UMAD1: variants seen among roughly 807,000 people sequenced by gnomAD.
UMAD1 encodes UBAP1-MVB12-associated (UMA) domain containing 1, also known as UBAP1-MVB12-associated (UMA)-domain containing protein 1.
In UMAD1, 8 loss-of-function variants were observed where a neutral mutation model predicts 6.1. The ratio of observed to expected loss-of-function variants is 1.30; its 90% CI spans 0.76 to 2.35. The LOEUF is 2.35. UMAD1 is among the 30% of genes most tolerant of loss of function. The probability of loss-of-function intolerance (pLI) is 0.00; values close to 1 mark genes in which losing one functional copy is unlikely to be tolerated. For missense variants in UMAD1, 130 were observed against 78.4 expected, an observed-to-expected ratio of 1.66 and a Z score of -2.49; for synonymous variants, 56 against 31.4, an observed-to-expected ratio of 1.78 and a Z score of -2.61.
chr7:7,677,664 G>GTTTTTTTTTTTTT (rs141602455), intron 2 of UMAD1, among the ~76,000 whole-genome samples: 1 of 113,500 alleles, frequency 8.8e-6, no homozygotes, highest in African/African-American at 3.6e-5. Context: ...CTGTTTTTTT[G>GTTTTTTTTTTTTT]TTTTTTTTTT....
At chr7:7,797,647 C>A (rs1188208995) in intron 2 of UMAD1, among the ~76,000 whole-genome samples, 1 of 152,140 alleles carries the variant, frequency 6.6e-6, no homozygotes, top group Non-Finnish European at 1.5e-5. Flanking sequence ...ACTCTAATGA[C>A]CATTCCTTTC....
At chr7:7,771,121 T>C (rs1782091010) in intron 2 of UMAD1, among the ~76,000 whole-genome samples, 1 of 138,144 alleles carries the variant, frequency 7.2e-6, no homozygotes, top group East Asian at 2.2e-4. Flanking sequence ...GAGGTTTTTG[T>C]TAGTTTTTTT....
intron 2 of UMAD1, among the ~76,000 whole-genome samples, chr7:7,746,491 G>A (rs6953290): frequency 0.14 from 21,846 of 152,172 alleles, 1,642 homozygotes; most frequent in East Asian, 0.2. Flanking sequence ...ACTCACATAC[G>A]TTTAAAGTCT....
At chr7:7,736,840 C>G (rs77523102) in intron 2 of UMAD1, 1 of 152,204 alleles carries the variant, frequency 6.6e-6, no homozygotes, top group Non-Finnish European at 1.5e-5. Flanking sequence ...CATCCTTTAC[C>G]AATGCATCTC....
At position 7,877,620 on chromosome 7, in the gene UMAD1, CACTGTTTA is replaced by C. The variant is rs1784448274; in HGVS notation, c.*84_*91del. On this transcript the variant is annotated 3_prime_UTR_variant, in exon 4 of 4. Coordinates refer to ENST00000682710, the MANE Select transcript of UMAD1 (RefSeq NM_001302348.2). ...ACCTGTTTGATGTTCTTTGCCGTTT[CACTGTTTA>C]AGGTCCTCAGCAAGGATCATAAAGC... is the stretch of plus-strand genomic sequence containing the variant. 1 of 665,876 alleles carries C rather than the reference CACTGTTTA, an allele frequency of 1.5e-6. No homozygotes were observed. Among genetic ancestry groups the C allele is most frequent in the South Asian group, 1.7e-5 (1 of 59,246 alleles). 41.2% of individuals were successfully genotyped at this position (665,876 alleles called of 1,614,324 possible). A position where few individuals can be genotyped will look rare whatever the true frequency, so the allele number is the denominator to read the frequency against.
intron 3 of UMAD1, among the ~76,000 whole-genome samples, chr7:7,846,370 C>G (rs1468183454): frequency 6.6e-6 from 1 of 152,070 alleles, no homozygotes; most frequent in African/African-American, 2.4e-5. Context: ...AGTTTTTGGT[C>G]AAATCTGGTC....
chr7:7,783,338 G>A (rs1782388827), intron 2 of UMAD1, among the ~76,000 whole-genome samples: 2 of 151,728 alleles, frequency 1.3e-5, no homozygotes, highest in Admixed American at 6.6e-5. Flanking sequence ...TCTCATGACT[G>A]TAGAATTGGA....
chr7:7,874,101 A>G (rs933440461), intron 3 of UMAD1, among the ~76,000 whole-genome samples: 88 of 152,226 alleles, frequency 5.8e-4, no homozygotes, highest in African/African-American at 1.9e-3. Flanking sequence ...TGGTGATTCC[A>G]TGTGTCTCAT....
intron 2 of UMAD1, among the ~76,000 whole-genome samples, chr7:7,753,559 A>G (rs369695803): frequency 5.3e-5 from 8 of 152,326 alleles, no homozygotes; most frequent in South Asian, 2.1e-4. Flanking sequence ...TTCACTTAAC[A>G]TAATGACTTC....
chr7:7,703,297 G>A (rs1466940410), intron 2 of UMAD1, among the ~76,000 whole-genome samples: 2 of 152,120 alleles, frequency 1.3e-5, no homozygotes, highest in Non-Finnish European at 2.9e-5. Flanking sequence ...TGGAATTCGT[G>A]TGTTCTCATT....
At chr7:7,801,579 A>C (rs982348500) in intron 2 of UMAD1, 91 bp from the exon 3 acceptor site, 2 of 647,568 alleles carry the variant, frequency 3.1e-6, no homozygotes, top group African/African-American at 3.6e-5. Flanking sequence ...TGAAACATAT[A>C]ATAACAAAAG....
At chr7:7,749,210 A>G (rs922499011) in intron 2 of UMAD1, among the ~76,000 whole-genome samples, 1 of 152,226 alleles carries the variant, frequency 6.6e-6, no homozygotes, top group African/African-American at 2.4e-5. Flanking sequence ...AACTGCAACA[A>G]TTCCACAATA....
chr7:7,798,582 ACTGT>A (rs1782733714), intron 2 of UMAD1, among the ~76,000 whole-genome samples: 1 of 152,148 alleles, frequency 6.6e-6, no homozygotes, highest in African/African-American at 2.4e-5. Flanking sequence ...AGTAATGAAA[ACTGT>A]CTGCAGGACC....
intron 2 of UMAD1, among the ~76,000 whole-genome samples, chr7:7,777,127 A>G (rs1782223269): frequency 1.3e-5 from 2 of 152,122 alleles, no homozygotes; most frequent in South Asian, 4.1e-4. Context: ...TTTGACAGTT[A>G]GTATTGTATT....
chr7:7,735,223 CA>C (rs202046769), intron 2 of UMAD1, among the ~76,000 whole-genome samples: 12,245 of 151,784 alleles, frequency 0.081, 572 homozygotes, highest in African/African-American at 0.12. Context: ...GACATTTTGG[CA>C]AAAAAATAAC....
intron 3 of UMAD1, among the ~76,000 whole-genome samples, chr7:7,811,209 A>C (rs17487008): frequency 0.063 from 9,278 of 148,226 alleles, 395 homozygotes; most frequent in Non-Finnish European, 0.089. Flanking sequence ...TAATTAGCTG[A>C]TGAGAACATA....
chr7:7,789,963 C>G (rs1352684207), intron 2 of UMAD1, among the ~76,000 whole-genome samples: 1 of 152,100 alleles, frequency 6.6e-6, no homozygotes, highest in Admixed American at 6.5e-5. Context: ...CCTTTGGGAA[C>G]ATTTACTTAG....
At chr7:7,667,555 C>T (rs1279875648) in intron 1 of UMAD1, among the ~76,000 whole-genome samples, 2 of 152,132 alleles carry the variant, frequency 1.3e-5, no homozygotes, top group Non-Finnish European at 2.9e-5. Context: ...GCTACACCTA[C>T]AGTTTTGGAT....
intron 3 of UMAD1, among the ~76,000 whole-genome samples, chr7:7,856,836 A>G (rs545894449): frequency 9.2e-5 from 14 of 152,356 alleles, no homozygotes; most frequent in Non-Finnish European, 1.5e-4. Context: ...TCAAAAACAA[A>G]TTAACTTTTG....
Sources: gnomAD v4.1 joint callset for allele counts (sites outside exome capture counted in the v4.1 genomes callset) on GRCh38, gnomAD v4.1.1 for gene constraint, MANE v1.5 for transcripts, NCBI Gene and HGNC (gene_info 2026-07-23, HGNC 2026-07-21) for gene names.